KIAA1549L: variants seen among roughly 807,000 people sequenced by gnomAD.
KIAA1549L encodes the protein KIAA1549 like.
A neutral mutation model predicts 160.7 loss-of-function variants in KIAA1549L; 88 were observed. The ratio of observed to expected loss-of-function variants is 0.55; its 90% CI spans 0.46 to 0.65. KIAA1549L has a LOEUF of 0.65. KIAA1549L is among the 30% of genes least tolerant of loss of function. The pLI is 0.00. For missense variants in KIAA1549L, 2,258 were observed against 2,437.5 expected, an observed-to-expected ratio of 0.93 and a Z score of 1.55; for synonymous variants, 950 against 976.7, an observed-to-expected ratio of 0.97 and a Z score of 0.51.
intron 1 of KIAA1549L, among the ~76,000 whole-genome samples, chr11:33,537,645 C>T (rs1013485795): frequency 3.3e-5 from 5 of 152,122 alleles, no homozygotes; most frequent in African/African-American, 1.2e-4. Context: ...TCCCACTGTC[C>T]CTAGTTCTGT....
chr11:33,487,264 C>T (rs1393171126), intron 1 of KIAA1549L, among the ~76,000 whole-genome samples: 2 of 152,060 alleles, frequency 1.3e-5, no homozygotes, highest in South Asian at 2.1e-4. Flanking sequence ...AAGACTCTTG[C>T]GGATCATGGA....
rs533042994 is a variant in KIAA1549L, at chr11:33,612,764, C to T, written c.5279+2798C>T. 7.2e-5 allele frequency among the ~76,000 whole-genome samples: 11 copies of T among 152,334 alleles called. No homozygotes were observed. In the South Asian group the frequency reaches 1.7e-3, roughly 23 times the overall value. Reference sequence around the variant, plus strand: ...CTGCCCTCTCCCTCCTTTTACCCTACACCCTGAAGTATACCCCAGTGTCGG... The same window carrying T: ...CTGCCCTCTCCCTCCTTTTACCCTATACCCTGAAGTATACCCCAGTGTCGG... On this transcript the variant is annotated intron_variant, in intron 15 of 20. Coordinates refer to ENST00000658780, the MANE Select transcript of KIAA1549L (RefSeq NM_012194.3).
At chr11:33,530,424 AAAAAAAAAAAAAAT>A (rs1292677181) in intron 1 of KIAA1549L, among the ~76,000 whole-genome samples, 2 of 18,960 alleles carry the variant, frequency 1.1e-4, no homozygotes, top group African/African-American at 4.0e-4. Flanking sequence ...GAAAAAAAAA[AAAAAAAAAAAAAAT>A]ATATATATAT....
chr11:33,595,906 C>G (rs1486844405), intron 12 of KIAA1549L, among the ~76,000 whole-genome samples: 1 of 152,108 alleles, frequency 6.6e-6, no homozygotes, highest in Non-Finnish European at 1.5e-5. Context: ...CACTTCCAGA[C>G]AGTCAGATGG....
intron 1 of KIAA1549L, among the ~76,000 whole-genome samples, chr11:33,514,009 G>C (rs1853284214): frequency 1.3e-5 from 2 of 152,320 alleles, no homozygotes; most frequent in South Asian, 4.1e-4. Flanking sequence ...CTAAGGAAGT[G>C]AATGACAAAG....
chr11:33,405,830 A>G (rs1850636219), intron 1 of KIAA1549L, among the ~76,000 whole-genome samples: 1 of 97,000 alleles, frequency 1.0e-5, no homozygotes, highest in Non-Finnish European at 1.9e-5. Flanking sequence ...CAACAGAGCC[A>G]GTCTGTCTCA....
At chr11:33,487,402 C>CTTTTTTTT (rs112165825) in intron 1 of KIAA1549L, among the ~76,000 whole-genome samples, 5 of 85,448 alleles carry the variant, frequency 5.9e-5, no homozygotes, top group Non-Finnish European at 9.9e-5. Flanking sequence ...GTCTATTGTT[C>CTTTTTTTT]TTTTTTTTTT....
At chr11:33,526,083 T>C (rs1288236184) in intron 1 of KIAA1549L, among the ~76,000 whole-genome samples, 1 of 152,100 alleles carries the variant, frequency 6.6e-6, no homozygotes, top group Non-Finnish European at 1.5e-5. Flanking sequence ...GGTAGCTCTA[T>C]GGCCCCACCT....
chr11:33,530,460 T>C (rs1590315232), intron 1 of KIAA1549L, among the ~76,000 whole-genome samples: 1 of 49,880 alleles, frequency 2.0e-5, no homozygotes, highest in African/African-American at 7.4e-5. Flanking sequence ...TATATATATA[T>C]ATATATATAT....
chr11:33,592,357 G>A (rs562268328), intron 12 of KIAA1549L, among the ~76,000 whole-genome samples: 1 of 152,254 alleles, frequency 6.6e-6, no homozygotes, highest in East Asian at 1.9e-4. Flanking sequence ...TGAGAGATGG[G>A]AGAGGTTAGT....
At chr11:33,547,741 C>A in intron 3 of KIAA1549L, 23 bp from the exon 4 acceptor site, 2 of 1,488,716 alleles carry the variant, frequency 1.3e-6, no homozygotes, top group Non-Finnish European at 1.9e-6. Context: ...GCCTGATTGC[C>A]ATGCTTCTAT....
intron 12 of KIAA1549L, among the ~76,000 whole-genome samples, chr11:33,596,898 G>A (rs967183557): frequency 1.3e-5 from 2 of 152,142 alleles, no homozygotes; most frequent in Non-Finnish European, 2.9e-5. Context: ...AAACAATCTA[G>A]GGGTGTGTGT....
chr11:33,382,459 T>C (rs754160131), intron 1 of KIAA1549L, among the ~76,000 whole-genome samples: 4 of 151,966 alleles, frequency 2.6e-5, no homozygotes, highest in Non-Finnish European at 5.9e-5. Context: ...AAAAGAGGCA[T>C]TGGAGGCAAC....
At position 33,583,478 on chromosome 11, in the gene KIAA1549L, A is replaced by G. The variant is rs1855712804; in HGVS notation, c.4543A>G (p.Ile1515Val). The G allele has an allele frequency of 6.3e-7, 1 of 1,577,866 alleles. No homozygotes were observed. The highest frequency in any genetic ancestry group is 8.6e-7 in the Non-Finnish European group (1 of 1,162,302). The change falls in exon 11 of 21, where the codon ATA becomes GTA. Residue 1515 changes from isoleucine (I) to valine (V), a missense_variant. Transcript: ENST00000658780. ...NKNDFKPDTM[I>V]NLPQRAKPVQ... is the part of the protein sequence containing the mutation. ...GAACGACTTCAAGCCTGACACCATG[A>G]TAAACCTGCCGCAGAGAGCAAAGGT... is the stretch of plus-strand genomic sequence containing the variant.
At chr11:33,601,014 T>C (rs35112514) in intron 13 of KIAA1549L, among the ~76,000 whole-genome samples, 30,432 of 151,964 alleles carry the variant, frequency 0.2, 3,498 homozygotes, top group East Asian at 0.36. Flanking sequence ...TTGTCTGCCC[T>C]CTCCTCCTGC....
intron 1 of KIAA1549L, among the ~76,000 whole-genome samples, chr11:33,439,569 A>ATT (rs34456047): frequency 3.2e-4 from 40 of 123,970 alleles, no homozygotes; most frequent in African/African-American, 1.1e-3. Context: ...TGCCCGGCTA[A>ATT]TTTTTTTTTT....
At chr11:33,387,655 C>T (rs1215217889) in intron 1 of KIAA1549L, among the ~76,000 whole-genome samples, 1 of 152,116 alleles carries the variant, frequency 6.6e-6, no homozygotes. Context: ...GGTTTAAGGT[C>T]TAGGGAAAAC....
At chr11:33,549,124 T>C (rs182907945) in intron 4 of KIAA1549L, among the ~76,000 whole-genome samples, 75 of 152,260 alleles carry the variant, frequency 4.9e-4, no homozygotes, top group Admixed American at 4.9e-3. Flanking sequence ...TGCATATCTT[T>C]ACAGACCAGT....
At chr11:33,637,013 G>A (rs1468572311) in intron 16 of KIAA1549L, among the ~76,000 whole-genome samples, 1 of 152,180 alleles carries the variant, frequency 6.6e-6, no homozygotes, top group Non-Finnish European at 1.5e-5. Flanking sequence ...CTCCAGGGAG[G>A]TGACTTTTGA....
Sources: gnomAD v4.1 joint callset for allele counts (sites outside exome capture counted in the v4.1 genomes callset) on GRCh38, gnomAD v4.1.1 for gene constraint, MANE v1.5 for transcripts, NCBI Gene and HGNC (gene_info 2026-07-23, HGNC 2026-07-21) for gene names.